Variants in ERC2 observed in about 807,000 individuals in gnomAD.
The protein encoded by ERC2 is ELKS/RAB6-interacting/CAST family member 2.
In ERC2, 42 loss-of-function variants were observed where a neutral mutation model predicts 114.8. That is an observed-to-expected ratio of 0.37 (90% confidence interval 0.29 to 0.47). The LOEUF (loss-of-function observed/expected upper bound fraction) is 0.47. ERC2 is among the 20% of genes least tolerant of loss of function. The pLI, the probability that ERC2 is intolerant of heterozygous loss-of-function variation, is 0.99. For synonymous variants in ERC2, 454 were observed against 425.5 expected, an observed-to-expected ratio of 1.07 and a Z score of -0.82; for missense variants, 939 against 1,150.7, an observed-to-expected ratio of 0.82 and a Z score of 2.66.
chr3:56,102,422 C>A (rs1298354675), intron 6 of ERC2, among the ~76,000 whole-genome samples: 1 of 152,038 alleles, frequency 6.6e-6, no homozygotes, highest in Non-Finnish European at 1.5e-5. Context: ...AAAAACAAAA[C>A]CAAAAACAAA....
chr3:55,520,683 G>A (rs1424932768), intron 17 of ERC2, among the ~76,000 whole-genome samples: 6 of 152,142 alleles, frequency 3.9e-5, no homozygotes, highest in Non-Finnish European at 8.8e-5. Context: ...CCAGGGCCTT[G>A]GAAAAGTCAG....
chr3:56,148,618 G>C (rs1166433299), intron 5 of ERC2, among the ~76,000 whole-genome samples: 1 of 152,166 alleles, frequency 6.6e-6, no homozygotes, highest in African/African-American at 2.4e-5. Flanking sequence ...CCTTCTAGGA[G>C]AGGCAAGAAA....
chr3:55,903,194 T>C (rs1362329450), intron 13 of ERC2, among the ~76,000 whole-genome samples: 1 of 152,248 alleles, frequency 6.6e-6, no homozygotes, highest in Non-Finnish European at 1.5e-5. Flanking sequence ...ACACATTTTC[T>C]ACGATGTATG....
chr3:55,978,118 A>G (rs752227232), intron 12 of ERC2, among the ~76,000 whole-genome samples: 8 of 152,216 alleles, frequency 5.3e-5, no homozygotes, highest in Non-Finnish European at 7.3e-5. Flanking sequence ...TAAGTTAACG[A>G]ATAAAGGAGA....
At chr3:55,743,705 A>G (rs531312884) in intron 14 of ERC2, among the ~76,000 whole-genome samples, 26 of 152,116 alleles carry the variant, frequency 1.7e-4, no homozygotes, top group Non-Finnish European at 3.1e-4. Flanking sequence ...ATATTACTCA[A>G]GTTTTTAAGA....
At chr3:56,134,063 G>C (rs968471145) in intron 6 of ERC2, among the ~76,000 whole-genome samples, 4 of 152,212 alleles carry the variant, frequency 2.6e-5, no homozygotes, top group African/African-American at 9.6e-5. Flanking sequence ...TGACCTCAAA[G>C]AGGATCAGCT....
intron 2 of ERC2, among the ~76,000 whole-genome samples, chr3:56,346,544 G>A (rs2058315967): frequency 6.6e-6 from 1 of 152,078 alleles, no homozygotes; most frequent in African/African-American, 2.4e-5. Flanking sequence ...ACTAGAGAAG[G>A]GGTCTGCAAA....
At chr3:56,005,769 C>A (rs772565164) in intron 10 of ERC2, among the ~76,000 whole-genome samples, 28 of 152,002 alleles carry the variant, frequency 1.8e-4, no homozygotes, top group Non-Finnish European at 3.1e-4. Context: ...CTCTCTTTCA[C>A]AAAGCTAGCT....
At position 55,623,837 on chromosome 3, in the gene ERC2, T is replaced by C. The variant is rs182040335; in HGVS notation, c.*39+59957A>G. ...GGTGTGCTCTCGCCATTGTTCCATC[T>C]GCAAGGGGCACCCTTTCTGCAGAAA... On this transcript the variant is annotated intron_variant, in intron 17 of 17. Transcript: ENST00000288221. Among the ~76,000 whole-genome samples the C allele has an allele frequency of 2.5e-3, 374 of 152,370 alleles. 1 individual carries two copies. Among genetic ancestry groups the C allele is most frequent in the African/African-American group, 8.7e-3 (362 of 41,592 alleles).
At chr3:55,726,724 T>A (rs1408040867) in intron 15 of ERC2, among the ~76,000 whole-genome samples, 1 of 152,222 alleles carries the variant, frequency 6.6e-6, no homozygotes, top group Non-Finnish European at 1.5e-5. Flanking sequence ...CCAGAATGTT[T>A]ACCTAGACAT....
rs1319284197 is a variant in ERC2, at chr3:56,372,596, G to A, written c.657+61755C>T. Among the ~76,000 whole-genome samples the A allele has an allele frequency of 4.6e-5, 7 of 151,956 alleles. No individual in the cohort carries two copies. The East Asian group carries it at 9.7e-4, about 21-fold the overall frequency. Reference sequence around the variant, plus strand: ...TACAAAATAAGCCAGGTGTGGTATCGCGTGCCTGTTGTCCCCCGCTACTCA... The same window carrying A: ...TACAAAATAAGCCAGGTGTGGTATCACGTGCCTGTTGTCCCCCGCTACTCA... On this transcript the variant is annotated intron_variant, in intron 2 of 17. Coordinates refer to ENST00000288221, the MANE Select transcript of ERC2 (RefSeq NM_015576.3).
chr3:56,317,610 C>G (rs1376435734), intron 2 of ERC2, among the ~76,000 whole-genome samples: 1 of 152,060 alleles, frequency 6.6e-6, no homozygotes, highest in Admixed American at 6.5e-5. Flanking sequence ...CTTTTTTGTA[C>G]TGATCATTTA....
intron 2 of ERC2, among the ~76,000 whole-genome samples, chr3:56,345,088 C>G (rs2058253448): frequency 6.6e-6 from 1 of 152,108 alleles, no homozygotes. Context: ...AAAGAAGTCC[C>G]CAAGTCTCTT....
At chr3:56,073,562 C>T (rs2076839091) in intron 7 of ERC2, among the ~76,000 whole-genome samples, 1 of 152,156 alleles carries the variant, frequency 6.6e-6, no homozygotes, top group African/African-American at 2.4e-5. Context: ...CCTGGGACAC[C>T]AGGCTAGTTC....
intron 3 of ERC2, among the ~76,000 whole-genome samples, chr3:56,228,141 T>C (rs561342019): frequency 6.6e-6 from 1 of 152,336 alleles, no homozygotes; most frequent in East Asian, 1.9e-4. Context: ...AAACTTCCTA[T>C]ATTTTCATCT....
In ERC2 at chr3:56,073,418, C is replaced by A. The variant is rs1480055732; in HGVS notation, c.1641+7399G>T. Among the ~76,000 whole-genome samples, 120 of 152,258 alleles carry A rather than the reference C, an allele frequency of 7.9e-4. 1 individual carries two copies. The highest frequency in any genetic ancestry group is 1.5e-5 in the Non-Finnish European group (1 of 68,000). The stretch of plus-strand genomic sequence containing the variant: ...TGAGATGCTTAGAGCATCCTCCCAG[C>A]TATAGCAACCAAAAATATCTCCAGA... On this transcript the variant is annotated intron_variant, in intron 7 of 17. Transcript: ENST00000288221.
At chr3:55,706,015 G>C (rs1255311469) in intron 15 of ERC2, among the ~76,000 whole-genome samples, 1 of 152,050 alleles carries the variant, frequency 6.6e-6, no homozygotes, top group Non-Finnish European at 1.5e-5. Flanking sequence ...TCCTCGGCTT[G>C]AGGTCTTGCT....
chr3:56,314,194 C>T (rs977600758), intron 2 of ERC2, among the ~76,000 whole-genome samples: 1 of 152,154 alleles, frequency 6.6e-6, no homozygotes, highest in African/African-American at 2.4e-5. Context: ...AATGGGCCTC[C>T]AATGTGGTCA....
intron 3 of ERC2, among the ~76,000 whole-genome samples, chr3:56,244,531 C>A (rs573856173): frequency 5.3e-5 from 8 of 152,032 alleles, no homozygotes; most frequent in Admixed American, 1.3e-4. Flanking sequence ...GGATCATCAA[C>A]ATCAACAGTG....
Sources: gnomAD v4.1 joint callset for allele counts (sites outside exome capture counted in the v4.1 genomes callset) on GRCh38, gnomAD v4.1.1 for gene constraint, MANE v1.5 for transcripts, NCBI Gene and HGNC (gene_info 2026-07-23, HGNC 2026-07-21) for gene names.